The following ZNF33A variants were observed in gnomAD, a reference collection of about 807,000 sequenced individuals.
The protein encoded by ZNF33A is zinc finger protein 33A, also known as brain my041 protein.
A neutral mutation model predicts 15.9 loss-of-function variants in ZNF33A; 9 were observed. The ratio of observed to expected loss-of-function variants is 0.57; its 90% CI spans 0.34 to 0.99. The LOEUF is 0.99. Ranked by LOEUF, ZNF33A falls within the 50% of genes least tolerant of loss-of-function variation. The pLI is 0.02. For missense variants in ZNF33A, 843 were observed against 941.6 expected, an observed-to-expected ratio of 0.90 and a Z score of 1.37; for synonymous variants, 294 against 324.2, an observed-to-expected ratio of 0.91 and a Z score of 1.00.
chr10:38,014,035 ATTTTTTTTTTTT>A (rs10658326), intron 2 of ZNF33A, among the ~76,000 whole-genome samples: 40 of 80,372 alleles, frequency 5.0e-4, no homozygotes, highest in African/African-American at 7.2e-4. Context: ...ATGATGTCTG[ATTTTTTTTTTTT>A]TTTTTTTTTT....
At position 38,056,748 on chromosome 10, in the gene ZNF33A, G is replaced by T. The variant is rs528301065; in HGVS notation, c.*188G>T. 1.5e-5 allele frequency: 19 copies of T among 1,243,668 alleles called. No individual in the cohort carries two copies. In the South Asian group the frequency reaches 4.8e-4, roughly 31 times the overall value. 77.0% of individuals were successfully genotyped at this position (1,243,668 alleles called of 1,614,324 possible). On this transcript the variant is annotated 3_prime_UTR_variant, in exon 5 of 5. Transcript: ENST00000432900. ...AGTTTTTGGCAAAAATGCAAATAAGGTTATGTTAGAATTTACACTGAGGAG... is the reference window on the plus strand; with the variant it reads ...AGTTTTTGGCAAAAATGCAAATAAGTTTATGTTAGAATTTACACTGAGGAG...
chr10:38,033,723 T>G (rs2135646428), intron 4 of ZNF33A, among the ~76,000 whole-genome samples: 1 of 152,166 alleles, frequency 6.6e-6, no homozygotes, highest in Non-Finnish European at 1.5e-5. Context: ...TTTTTTTTTT[T>G]TCTTTTTGAG....
intron 4 of ZNF33A, among the ~76,000 whole-genome samples, 179 bp from the exon 5 acceptor site, chr10:38,054,196 T>G (rs1293058419): frequency 1.3e-5 from 2 of 152,182 alleles, no homozygotes; most frequent in East Asian, 3.8e-4. Flanking sequence ...CTGGTTTTTG[T>G]TTTTGTTTTT....
chr10:38,022,720 A>C (rs1453788945), intron 4 of ZNF33A, among the ~76,000 whole-genome samples: 1 of 151,906 alleles, frequency 6.6e-6, no homozygotes, highest in East Asian at 1.9e-4. Context: ...AGAAACCACA[A>C]ACTATTACAA....
At chr10:38,062,347 C>T (rs533487748), downstream of ZNF33A, among the ~76,000 whole-genome samples, 40 of 152,230 alleles carry the variant, frequency 2.6e-4, no homozygotes, top group South Asian at 7.2e-3. Context: ...CACAAATGGA[C>T]GAAGACAAAA....
chr10:38,022,790 A>C (rs2064813365), intron 4 of ZNF33A, among the ~76,000 whole-genome samples: 1 of 152,182 alleles, frequency 6.6e-6, no homozygotes, highest in African/African-American at 2.4e-5. Flanking sequence ...AGGTTGACAT[A>C]ATTTGAATCA....
intron 2 of ZNF33A, 117 bp downstream of exon 2, chr10:38,012,467 T>C (rs1446531051): frequency 6.5e-6 from 8 of 1,232,018 alleles, no homozygotes; most frequent in Non-Finnish European, 7.9e-6. Flanking sequence ...AGTCTCACTC[T>C]GTCACCCAGG....
chr10:38,012,556 C>G (rs1187614469), intron 2 of ZNF33A, among the ~76,000 whole-genome samples: 5 of 151,468 alleles, frequency 3.3e-5, no homozygotes, highest in Non-Finnish European at 7.4e-5. Context: ...CTCAGCCCCC[C>G]GAGTAGCTGG....
chr10:38,057,614 A>G lies in ZNF33A; in HGVS notation c.*1054A>G, dbSNP rs2066539789. ...GCTAATGTTTATCCATTTAAAAGGT[A>G]TAAATCAAAATAACAAATTATCTAA... On this transcript the variant is annotated 3_prime_UTR_variant, in exon 5 of 5. Transcript: ENST00000432900. The G allele has an allele frequency of 6.1e-6, 6 of 983,924 alleles. No homozygotes were observed. The South Asian group carries it at 1.4e-4, about 23-fold the overall frequency. 60.9% of individuals were successfully genotyped at this position (983,924 alleles called of 1,614,324 possible).
At chr10:38,033,231 C>G (rs931185321) in intron 4 of ZNF33A, among the ~76,000 whole-genome samples, 3 of 152,128 alleles carry the variant, frequency 2.0e-5, no homozygotes, top group African/African-American at 7.2e-5. Context: ...TGCCTGGCTT[C>G]TTTTTCTTAG....
At chr10:38,061,629 G>C (rs1188600551), downstream of ZNF33A, among the ~76,000 whole-genome samples, 1 of 152,038 alleles carries the variant, frequency 6.6e-6, no homozygotes, top group Non-Finnish European at 1.5e-5. Flanking sequence ...TTGAGTGTTT[G>C]TGCCCCCTCC....
chr10:38,023,956 C>T lies in ZNF33A; in HGVS notation c.250+6570C>T, dbSNP rs529186651. On this transcript the variant is annotated intron_variant, in intron 4 of 4. Transcript: ENST00000432900. ...GGTGGATCACCTGAGATCGGGAGTT[C>T]AAGAGCAGCCTGACCAATATGGAGA... Among the ~76,000 whole-genome samples, 34 of 152,064 alleles carry T rather than the reference C, an allele frequency of 2.2e-4. No individual in the cohort carries two copies. In the South Asian group the frequency reaches 7.1e-3, roughly 32 times the overall value.
In ZNF33A at chr10:38,056,714, A is replaced by T. The variant is rs1378760179; in HGVS notation, c.*154A>T. 2.4e-6 allele frequency: 3 copies of T among 1,252,856 alleles called. No homozygotes were observed. The African/African-American group carries it at 4.6e-5, about 19-fold the overall frequency. 77.6% of individuals were successfully genotyped at this position (1,252,856 alleles called of 1,614,324 possible). On this transcript the variant is annotated 3_prime_UTR_variant, in exon 5 of 5. Transcript: ENST00000432900. ...ATAACACCTTACAGATTTTTTTTGA[A>T]TTTGTGAAAGTTTTTGGCAAAAATG...
At chr10:38,017,232 T>A in intron 3 of ZNF33A, 59 bp from the exon 4 acceptor site, 1 of 1,521,882 alleles carries the variant, frequency 6.6e-7, no homozygotes, top group South Asian at 1.2e-5. Context: ...TTCTTCCTGC[T>A]TCAAAGGCCT....
At position 38,012,396 on chromosome 10, in the gene ZNF33A, T is replaced by C. The variant is rs536995518; in HGVS notation, c.9+46T>C. The stretch of plus-strand genomic sequence containing the variant: ...CTACTTTATTTTGCAGTGGACTTTG[T>C]GAGATTTGTAAGAGTCGATATGGTG... On this transcript the variant is annotated intron_variant, in intron 2 of 4. Coordinates refer to ENST00000432900, the MANE Select transcript of ZNF33A (RefSeq NM_006954.2). 854 of 1,593,010 alleles carry C rather than the reference T, an allele frequency of 5.4e-4. 19 individuals carry two copies. The South Asian group carries it at 9.0e-3, about 17-fold the overall frequency.
chr10:38,054,635 A>G lies in ZNF33A; in HGVS notation c.511A>G (p.Asn171Asp). ...TTTAGGAAAAAAGTCTGATGAATTT[A>G]ATGCCTGTGGGAAATTGTTACTCAA... ...NYLGKKSDEF[N>D]ACGKLLLNIK... is the part of the protein sequence containing the mutation. The change falls in exon 5 of 5, where the codon AAT (asparagine) becomes GAT (aspartate). Residue 171 changes from asparagine to aspartate, a missense_variant. Asn to Asp is a conservative substitution (Grantham distance 23). Coordinates refer to ENST00000432900, the MANE Select transcript of ZNF33A (RefSeq NM_006954.2). 1 of 1,612,768 alleles carries G rather than the reference A, an allele frequency of 6.2e-7. No homozygotes were observed. Among genetic ancestry groups the G allele is most frequent in the East Asian group, 2.2e-5 (1 of 44,852 alleles).
intron 4 of ZNF33A, among the ~76,000 whole-genome samples, chr10:38,028,841 A>G (rs1283131709): frequency 3.3e-5 from 5 of 152,054 alleles, no homozygotes; most frequent in Admixed American, 3.3e-4. Context: ...TATTTTTTAG[A>G]TATTGCCTTT....
chr10:38,025,556 G>T (rs992151086), intron 4 of ZNF33A, among the ~76,000 whole-genome samples: 15 of 152,250 alleles, frequency 9.9e-5, no homozygotes, highest in African/African-American at 3.6e-4. Context: ...TGCAAGCTAG[G>T]AAGAGGCCCT....
intron 4 of ZNF33A, among the ~76,000 whole-genome samples, chr10:38,032,966 T>C (rs2065278496): frequency 1.3e-5 from 2 of 152,170 alleles, no homozygotes; most frequent in African/African-American, 4.8e-5. Context: ...CAGGCTGGTC[T>C]GAAGCTCCTG....
Sources: allele counts gnomAD v4.1 joint callset (sites outside exome capture counted in the v4.1 genomes callset), GRCh38; gene constraint gnomAD v4.1.1; transcripts MANE v1.5; gene names NCBI Gene and HGNC (gene_info 2026-07-23, HGNC 2026-07-21).